KCNB2: variants seen among roughly 807,000 people sequenced by gnomAD.
The protein encoded by KCNB2 is potassium voltage-gated channel subfamily B member 2, also known as delayed rectifier potassium channel protein.
KCNB2 carries 15 observed loss-of-function variants against 61.5 expected under a neutral mutation model. That is an observed-to-expected ratio of 0.24 (90% CI 0.16 to 0.38). The LOEUF is 0.38. Among genes scored for constraint, KCNB2 ranks in the 10% least tolerant of loss-of-function variants. KCNB2 has a pLI of 1.00. For missense variants in KCNB2, 828 were observed against 1,125.2 expected (o/e 0.74, Z 3.78); for synonymous variants, 457 against 446.0 (o/e 1.02, Z -0.31).
At chr8:72,674,789 G>T (rs1264737128) in intron 2 of KCNB2, among the ~76,000 whole-genome samples, 1 of 152,190 alleles carries the variant, frequency 6.6e-6, no homozygotes, top group Non-Finnish European at 1.5e-5. Flanking sequence ...ATGAAATTGT[G>T]CTGGAAGCAT....
At chr8:72,633,041 G>A (rs1805904350) in intron 2 of KCNB2, among the ~76,000 whole-genome samples, 1 of 152,182 alleles carries the variant, frequency 6.6e-6, no homozygotes, top group African/African-American at 2.4e-5. Flanking sequence ...GGCTTGACTG[G>A]CTCCTCTGTT....
chr8:72,762,238 G>A (rs1276273661), intron 2 of KCNB2, among the ~76,000 whole-genome samples: 1 of 152,168 alleles, frequency 6.6e-6, no homozygotes, highest in Non-Finnish European at 1.5e-5. Flanking sequence ...ATCGATGGGG[G>A]ATGTGCTGTG....
intron 2 of KCNB2, among the ~76,000 whole-genome samples, chr8:72,768,164 G>T (rs553227821): frequency 6.6e-6 from 1 of 151,984 alleles, no homozygotes; most frequent in Admixed American, 6.6e-5. Flanking sequence ...CCTATTTTGT[G>T]TGTTGTCTTT....
intron 2 of KCNB2, among the ~76,000 whole-genome samples, chr8:72,791,483 A>G (rs1808942336): frequency 6.6e-6 from 1 of 152,186 alleles, no homozygotes; most frequent in African/African-American, 2.4e-5. Context: ...TAATAGATCA[A>G]GGCTGCAGTG....
At chr8:72,738,489 C>T (rs75988400) in intron 2 of KCNB2, among the ~76,000 whole-genome samples, 1,690 of 152,254 alleles carry the variant, frequency 0.011, 32 homozygotes, top group African/African-American at 0.039. Context: ...ACTGCCAGCC[C>T]CAAGTTTGTT....
chr8:72,609,863 T>C (rs1805509672), intron 2 of KCNB2, among the ~76,000 whole-genome samples: 1 of 152,184 alleles, frequency 6.6e-6, no homozygotes, highest in African/African-American at 2.4e-5. Context: ...GCTGCCACAC[T>C]GCGCAGACCC....
chr8:72,801,608 C>T (rs1226334023), intron 2 of KCNB2, among the ~76,000 whole-genome samples: 1 of 152,088 alleles, frequency 6.6e-6, no homozygotes, highest in African/African-American at 2.4e-5. Flanking sequence ...ATGTTCCATT[C>T]CTCAAGCCTA....
chr8:72,580,115 G>A (rs937406500), intron 2 of KCNB2, among the ~76,000 whole-genome samples: 4 of 152,256 alleles, frequency 2.6e-5, no homozygotes, highest in Admixed American at 2.0e-4. Context: ...GGGCCATAAG[G>A]TTTCTGTTGC....
intron 2 of KCNB2, among the ~76,000 whole-genome samples, chr8:72,910,046 A>G (rs531388789): frequency 2.0e-5 from 3 of 152,308 alleles, no homozygotes; most frequent in African/African-American, 7.2e-5. Flanking sequence ...GTTGGCATAT[A>G]CAACAGTCAT....
rs1299239720 is a variant in KCNB2, at chr8:72,710,997, C to A, written c.579+142684C>A. 2.6e-5 allele frequency among the ~76,000 whole-genome samples: 4 copies of A among 152,182 alleles called. No individual in the cohort carries two copies. The South Asian group carries it at 6.2e-4, about 24-fold the overall frequency. ...GTGACAAACAATACCAAAATCCCGG[C>A]AGTCTGTGATGGCAAGGATTTGTTT... On this transcript the variant is annotated intron_variant, in intron 2 of 2. Transcript: ENST00000523207.
chr8:72,887,752 A>T (rs768941081), intron 2 of KCNB2, among the ~76,000 whole-genome samples: 4 of 152,148 alleles, frequency 2.6e-5, no homozygotes, highest in Non-Finnish European at 4.4e-5. Context: ...CCCAGGTGGG[A>T]TCCAACCCAA....
chr8:72,840,923 CA>C (rs1286139894), intron 2 of KCNB2, among the ~76,000 whole-genome samples: 1 of 152,132 alleles, frequency 6.6e-6, no homozygotes, highest in Non-Finnish European at 1.5e-5. Flanking sequence ...TCCCATTTGT[CA>C]ATTTTGGCTT....
chr8:72,601,237 G>A (rs1805347074), intron 2 of KCNB2, among the ~76,000 whole-genome samples: 2 of 151,974 alleles, frequency 1.3e-5, no homozygotes, highest in African/African-American at 2.4e-5. Context: ...TTATAACATC[G>A]GCCTTATATT....
chr8:72,708,149 A>G (rs1807263267), intron 2 of KCNB2, among the ~76,000 whole-genome samples: 1 of 152,144 alleles, frequency 6.6e-6, no homozygotes, highest in Admixed American at 6.6e-5. Context: ...GTGCAAAGGA[A>G]CCTGCTGCTG....
chr8:72,641,077 A>C (rs573307004), intron 2 of KCNB2, among the ~76,000 whole-genome samples: 3 of 152,238 alleles, frequency 2.0e-5, no homozygotes, highest in Non-Finnish European at 4.4e-5. Context: ...AAAAGTGCAG[A>C]TCAAGCCGTT....
chr8:72,791,951 A>C (rs1808951082), intron 2 of KCNB2, among the ~76,000 whole-genome samples: 2 of 152,342 alleles, frequency 1.3e-5, no homozygotes, highest in South Asian at 4.1e-4. Context: ...TATGCCAGGC[A>C]CAATCCTACC....
intron 2 of KCNB2, among the ~76,000 whole-genome samples, chr8:72,806,422 A>G (rs1020047687): frequency 6.6e-6 from 1 of 151,622 alleles, no homozygotes. Flanking sequence ...CCTGGCTAAC[A>G]TGGTAAAACC....
At chr8:72,857,044 C>A (rs765404600) in intron 2 of KCNB2, among the ~76,000 whole-genome samples, 2 of 152,180 alleles carry the variant, frequency 1.3e-5, no homozygotes, top group African/African-American at 2.4e-5. Flanking sequence ...GCAGTTATTT[C>A]TTGAGAAATA....
At chr8:72,769,847 C>G (rs1808531871) in intron 2 of KCNB2, among the ~76,000 whole-genome samples, 1 of 152,100 alleles carries the variant, frequency 6.6e-6, no homozygotes. Flanking sequence ...CATCACTGAC[C>G]AAGAATCATA....
Sources: gnomAD v4.1 joint callset for allele counts (sites outside exome capture counted in the v4.1 genomes callset) on GRCh38, gnomAD v4.1.1 for gene constraint, MANE v1.5 for transcripts, NCBI Gene and HGNC (gene_info 2026-07-23, HGNC 2026-07-21) for gene names.